FAM200B: variants seen among roughly 807,000 people sequenced by gnomAD.
The protein encoded by FAM200B is protein FAM200B.
In FAM200B, 32 loss-of-function variants were observed where a neutral mutation model predicts 33.1. The observed-to-expected ratio is 0.97, with a 90% CI of 0.73 to 1.30. FAM200B has a LOEUF of 1.30. Among genes scored for constraint, FAM200B ranks in the 50% most tolerant of loss-of-function variants. The pLI is 0.00. For synonymous variants in FAM200B, 240 were observed against 264.8 expected (o/e 0.91, Z 0.91); for missense variants, 741 against 754.0 (o/e 0.98, Z 0.20).
chr4:15,673,877 C>G, the FAM200B span, among the ~76,000 whole-genome samples: 1 of 152,208 alleles, frequency 6.6e-6, no homozygotes, highest in Non-Finnish European at 1.5e-5. Flanking sequence ...GAAATTCTCC[C>G]AAGGCAATAA....
the FAM200B span, among the ~76,000 whole-genome samples, chr4:15,649,143 T>C: frequency 1.1e-3 from 160 of 152,054 alleles, no homozygotes; most frequent in Non-Finnish European, 1.7e-3. Flanking sequence ...GTTTGTTGAT[T>C]TGATGAAGTG....
At position 15,686,903 on chromosome 4, in the gene FAM200B, G is replaced by A. The variant is rs1010262247; in HGVS notation, c.-75G>A. 8.2e-6 allele frequency: 6 copies of A among 732,072 alleles called. No homozygotes were observed. In the African/African-American group the frequency reaches 1.1e-4, roughly 13 times the overall value. 45.3% of individuals were successfully genotyped at this position (732,072 alleles called of 1,614,324 possible). On this transcript the variant is annotated 5_prime_UTR_variant, in exon 2 of 2. Coordinates refer to ENST00000422728, the MANE Select transcript of FAM200B (RefSeq NM_001145191.2). The stretch of plus-strand genomic sequence containing the variant: ...TTTTTGAAAAGATGTTATTTAGACT[G>A]TATATTTTTTTCTTCTTTTTTGAGT...
Position 15,688,643 on chromosome 4 carries a change from C to G in FAM200B, c.1666C>G (p.Pro556Ala). ...PESIIELNLV[P>A]EEENELLQLS... is the part of the protein sequence containing the mutation. ...ATCAATAATTGAGCTAAACTTGGTGCCTGAAGAAGAGAATGAATTATTGCA... is the reference window on the plus strand; with the variant it reads ...ATCAATAATTGAGCTAAACTTGGTGGCTGAAGAAGAGAATGAATTATTGCA... The change falls in exon 2 of 2, where the codon CCT (proline) becomes GCT (alanine). Residue 556 changes from proline to alanine, a missense_variant. Pro to Ala is a conservative substitution (Grantham distance 27). Transcript: ENST00000422728. The G allele has an allele frequency of 1.3e-6, 2 of 1,551,028 alleles. No homozygotes were observed. Among genetic ancestry groups the G allele is most frequent in the Non-Finnish European group, 1.7e-6 (2 of 1,146,536 alleles).
At chr4:15,649,593 A>G in the FAM200B span, among the ~76,000 whole-genome samples, 2 of 151,526 alleles carry the variant, frequency 1.3e-5, no homozygotes, top group Non-Finnish European at 2.9e-5. Context: ...AAAAAAAAAA[A>G]AAAAGAAAGA....
upstream of FAM200B, among the ~76,000 whole-genome samples, chr4:15,680,003 G>A (rs955705355): frequency 2.5e-4 from 38 of 152,238 alleles, no homozygotes; most frequent in African/African-American, 7.7e-4. Flanking sequence ...GTCCACCTAC[G>A]CGTGATTTAC....
the FAM200B span, among the ~76,000 whole-genome samples, chr4:15,665,267 G>A: frequency 4.6e-5 from 7 of 152,238 alleles, no homozygotes; most frequent in South Asian, 2.1e-4. Flanking sequence ...TGAAGTAGCC[G>A]TCAACCATAT....
At position 15,689,388 on chromosome 4, in the gene FAM200B, G is replaced by C. The variant is rs984272057; in HGVS notation, c.*437G>C. ...TCAGTGGACTAGAGAACAGTTGAAG[G>C]GTTTAAGCGAAGGAGAGAAATGATC... On this transcript the variant is annotated 3_prime_UTR_variant, in exon 2 of 2. Coordinates refer to ENST00000422728, the MANE Select transcript of FAM200B (RefSeq NM_001145191.2). The C allele has an allele frequency of 1.8e-5, 3 of 167,706 alleles. No individual in the cohort carries two copies. Among genetic ancestry groups the C allele is most frequent in the African/African-American group, 7.2e-5 (3 of 41,432 alleles). 10.4% of individuals were successfully genotyped at this position (167,706 alleles called of 1,614,324 possible). A position where few individuals can be genotyped will look rare whatever the true frequency, so the allele number is the denominator to read the frequency against.
At chr4:15,646,042 T>A in the FAM200B span, among the ~76,000 whole-genome samples, 2 of 152,178 alleles carry the variant, frequency 1.3e-5, no homozygotes, top group African/African-American at 4.8e-5. Context: ...GTAAATAATC[T>A]AGAGCAAGAA....
intron 1 of FAM200B, among the ~76,000 whole-genome samples, chr4:15,684,231 C>T (rs1408292219): frequency 6.6e-6 from 1 of 152,104 alleles, no homozygotes; most frequent in East Asian, 1.9e-4. Flanking sequence ...TGTACTTGAT[C>T]GTGTTCGGGT....
the FAM200B span, among the ~76,000 whole-genome samples, chr4:15,661,583 TGTAA>T: frequency 6.6e-6 from 1 of 152,228 alleles, no homozygotes; most frequent in East Asian, 1.9e-4. Context: ...CACATTTAGT[TGTAA>T]GTGACAGAAA....
Position 15,688,593 on chromosome 4 carries a change from A to T in FAM200B, c.1616A>T (p.Asp539Val). The change falls in exon 2 of 2, where the codon GAT becomes GTT. Residue 539 changes from aspartate to valine, a missense_variant. Coordinates refer to ENST00000422728, the MANE Select transcript of FAM200B (RefSeq NM_001145191.2). ...ETLRENSWVK[D>V]PFAFRHPESI... ...TTAAGGGAAAACAGTTGGGTAAAAG[A>T]TCCATTTGCTTTTCGACACCCTGAA... 2 of 1,551,186 alleles carry T rather than the reference A, an allele frequency of 1.3e-6. No homozygotes were observed. The highest frequency in any genetic ancestry group is 1.7e-6 in the Non-Finnish European group (2 of 1,146,630).
chr4:15,688,205 A>G lies in FAM200B; in HGVS notation c.1228A>G (p.Ile410Val). 2 of 1,550,826 alleles carry G rather than the reference A, an allele frequency of 1.3e-6. No homozygotes were observed. The highest frequency in any genetic ancestry group is 2.4e-5 in the South Asian group (2 of 83,896). Residue 410 changes from isoleucine to valine, a missense_variant, in exon 2 of 2, where the codon ATT becomes GTT. Ile to Val is a conservative substitution (Grantham distance 29). Transcript: ENST00000422728. Reference protein sequence around the residue: ...ELRNEIHFFLIEKKSHLASIF... With the variant: ...ELRNEIHFFLVEKKSHLASIF... ...CAGGAATGAGATTCACTTTTTTCTC[A>G]TTGAAAAAAAATCTCATTTGGCAAG...
chr4:15,676,644 T>A, the FAM200B span, among the ~76,000 whole-genome samples: 761 of 152,034 alleles, frequency 5.0e-3, 6 homozygotes, highest in African/African-American at 0.017. Flanking sequence ...TTCACAATAA[T>A]TCTGGCTGAG....
the FAM200B span, among the ~76,000 whole-genome samples, chr4:15,674,514 T>C: frequency 3.3e-5 from 5 of 152,214 alleles, no homozygotes; most frequent in African/African-American, 1.2e-4. Flanking sequence ...TATATATTAG[T>C]GAAATTATAT....
At chr4:15,638,907 G>A in the FAM200B span, among the ~76,000 whole-genome samples, 1 of 152,200 alleles carries the variant, frequency 6.6e-6, no homozygotes, top group East Asian at 1.9e-4. Context: ...GCTAACACCT[G>A]TAATCCCAGA....
the FAM200B span, among the ~76,000 whole-genome samples, chr4:15,651,623 C>T: frequency 6.6e-6 from 1 of 152,154 alleles, no homozygotes; most frequent in Non-Finnish European, 1.5e-5. Context: ...GCTATACTCA[C>T]TCATTTTTTA....
At chr4:15,683,228 A>G (rs535853243) in intron 1 of FAM200B, among the ~76,000 whole-genome samples, 1 of 152,262 alleles carries the variant, frequency 6.6e-6, no homozygotes, top group South Asian at 2.1e-4. Flanking sequence ...TTAATATTTC[A>G]TATTTTCTTC....
the FAM200B span, among the ~76,000 whole-genome samples, chr4:15,649,554 T>C: frequency 7.9e-6 from 1 of 126,844 alleles, no homozygotes. Flanking sequence ...CACTCCAGCC[T>C]GGAGACAGGG....
upstream of FAM200B, among the ~76,000 whole-genome samples, chr4:15,677,491 G>C (rs1386361949): frequency 6.6e-6 from 1 of 152,168 alleles, no homozygotes; most frequent in Non-Finnish European, 1.5e-5. Context: ...GTGTTTACAG[G>C]ATTAAAACTT....
Sources: allele counts gnomAD v4.1 joint callset (sites outside exome capture counted in the v4.1 genomes callset), GRCh38; gene constraint gnomAD v4.1.1; transcripts MANE v1.5; gene names NCBI Gene and HGNC (gene_info 2026-07-23, HGNC 2026-07-21).